Variants in CDK7 observed in about 807,000 individuals in gnomAD.
CDK7 encodes the protein cyclin-dependent kinase 7.
CDK7 carries 25 observed loss-of-function variants against 49.1 expected under a neutral mutation model. The observed-to-expected ratio is 0.51, with a 90% CI of 0.37 to 0.71. The LOEUF is 0.71. Ranked by LOEUF, CDK7 falls within the 30% of genes least tolerant of loss-of-function variation. The pLI, the probability that CDK7 is intolerant of heterozygous loss-of-function variation, is 0.00. For synonymous variants in CDK7, 107 were observed against 140.0 expected (o/e 0.76, Z 1.67); for missense variants, 316 against 411.7 (o/e 0.77, Z 2.01).
chr5:69,271,668 C>T (rs1034385864), intron 9 of CDK7, among the ~76,000 whole-genome samples: 1 of 151,946 alleles, frequency 6.6e-6, no homozygotes, highest in African/African-American at 2.4e-5. Flanking sequence ...TGCACCACCA[C>T]GCCCAGCTAG....
intron 6 of CDK7, among the ~76,000 whole-genome samples, chr5:69,258,738 A>AT (rs1041181822): frequency 4.6e-5 from 7 of 151,624 alleles, no homozygotes; most frequent in Admixed American, 1.3e-4. Flanking sequence ...CCATGGTTAT[A>AT]TTTTTTTTCA....
intron 4 of CDK7, among the ~76,000 whole-genome samples, chr5:69,254,925 G>A (rs148991186): frequency 3.0e-4 from 46 of 152,346 alleles, no homozygotes; most frequent in African/African-American, 1.1e-3. Flanking sequence ...CTAGCATGTA[G>A]TGGCTGAGAG....
intron 2 of CDK7, among the ~76,000 whole-genome samples, chr5:69,249,574 A>G (rs1750003402): frequency 6.6e-6 from 1 of 151,586 alleles, no homozygotes; most frequent in Non-Finnish European, 1.5e-5. Flanking sequence ...AAGTGTGGGT[A>G]TGGTGGCTGA....
intron 2 of CDK7, among the ~76,000 whole-genome samples, chr5:69,245,120 T>C (rs1749651044): frequency 1.3e-5 from 2 of 152,162 alleles, no homozygotes; most frequent in Non-Finnish European, 2.9e-5. Context: ...TACATCAGGA[T>C]ATTGGCCTGT....
At chr5:69,243,158 G>C (rs1203766781) in intron 2 of CDK7, among the ~76,000 whole-genome samples, 1 of 152,232 alleles carries the variant, frequency 6.6e-6, no homozygotes, top group Non-Finnish European at 1.5e-5. Context: ...TTGTGAGCTG[G>C]TTATCCTGAG....
At chr5:69,234,798 A>G (rs115943770), upstream of CDK7, 2 of 626,598 alleles carry the variant, frequency 3.2e-6, no homozygotes, top group East Asian at 2.8e-5. Flanking sequence ...CGGGTGGGGA[A>G]CGCCAACCGC....
chr5:69,275,423 TTCTC>T (rs1752016687), intron 10 of CDK7, among the ~76,000 whole-genome samples: 1 of 152,188 alleles, frequency 6.6e-6, no homozygotes, highest in East Asian at 1.9e-4. Context: ...CTTTTTAAGT[TTCTC>T]TCTTTGCATT....
At chr5:69,241,307 GTTTTTTCTTTTTT>G (rs1749358689) in intron 2 of CDK7, among the ~76,000 whole-genome samples, 2 of 112,944 alleles carry the variant, frequency 1.8e-5, no homozygotes, top group Non-Finnish European at 1.7e-5. Flanking sequence ...CTCATTGTAG[GTTTTTTCTTTTTT>G]TTTTTTTTTT....
intron 2 of CDK7, among the ~76,000 whole-genome samples, chr5:69,239,856 G>T (rs1295486550): frequency 3.4e-5 from 5 of 148,276 alleles, no homozygotes; most frequent in African/African-American, 1.2e-4. Context: ...TTCCTTTGTT[G>T]TATGATATGA....
intron 8 of CDK7, among the ~76,000 whole-genome samples, chr5:69,265,317 C>CA (rs931476714): frequency 1.4e-5 from 2 of 140,320 alleles, no homozygotes; most frequent in Non-Finnish European, 3.1e-5. Context: ...AGAAAACTTT[C>CA]AAAAAAAAAT....
chr5:69,271,132 G>A (rs890092714), intron 9 of CDK7, among the ~76,000 whole-genome samples: 3 of 152,162 alleles, frequency 2.0e-5, no homozygotes, highest in African/African-American at 4.8e-5. Context: ...CCAGCATTTG[G>A]TGTTGTCACT....
chr5:69,252,273 T>C, intron 2 of CDK7, 145 bp from the exon 3 acceptor site: 1 of 612,866 alleles, frequency 1.6e-6, no homozygotes. Context: ...TGATTCCTAC[T>C]CTCTTTTTGC....
chr5:69,269,910 T>C (rs970596901), intron 9 of CDK7, among the ~76,000 whole-genome samples: 4 of 151,204 alleles, frequency 2.6e-5, no homozygotes, highest in Admixed American at 2.6e-4. Flanking sequence ...AGTAATTGCT[T>C]ACTGATGTTT....
chr5:69,262,205 G>T lies in CDK7; in HGVS notation c.528G>T (p.Arg176Ser). The T allele has an allele frequency of 2.5e-6, 4 of 1,613,422 alleles. No homozygotes were observed. Among genetic ancestry groups the T allele is most frequent in the Non-Finnish European group, 3.4e-6 (4 of 1,180,004 alleles). Residue 176 changes from arginine (R) to serine (S), a missense_variant and splice_region_variant, in exon 8 of 12, where the codon AGG (arginine) becomes AGT (serine). Transcript: ENST00000256443. ...NRAYTHQVVT[R>S]WYRAPELLFG... ...GATACTAATTCTTTTTGTTCTTTAG[G>T]TGGTATCGGGCCCCCGAGTTACTAT...
chr5:69,274,457 A>C (rs894220683), intron 10 of CDK7, among the ~76,000 whole-genome samples: 5 of 152,222 alleles, frequency 3.3e-5, no homozygotes, highest in African/African-American at 1.2e-4. Context: ...CAACATGACA[A>C]AACATCATCT....
intron 5 of CDK7, 66 bp from the exon 6 acceptor site, chr5:69,257,977 G>T (rs1019581664): frequency 2.5e-6 from 2 of 802,220 alleles, no homozygotes; most frequent in Non-Finnish European, 4.2e-6. Flanking sequence ...TCTGTAAATT[G>T]TTTTATGTGG....
intron 2 of CDK7, among the ~76,000 whole-genome samples, chr5:69,237,605 C>G (rs1291706434): frequency 3.9e-5 from 6 of 152,130 alleles, no homozygotes; most frequent in African/African-American, 1.2e-4. Flanking sequence ...TAATTCCATT[C>G]ACACTGTACC....
At chr5:69,245,338 C>G (rs7711657) in intron 2 of CDK7, among the ~76,000 whole-genome samples, 36,989 of 125,922 alleles carry the variant, frequency 0.29, 5,829 homozygotes, top group East Asian at 0.41. Flanking sequence ...CTTACCCTAC[C>G]CTCTTATTTT....
chr5:69,266,560 A>G (rs1371504219), intron 8 of CDK7, among the ~76,000 whole-genome samples: 2 of 152,338 alleles, frequency 1.3e-5, no homozygotes, highest in African/African-American at 2.4e-5. Flanking sequence ...TGCAGGGAAC[A>G]TAAGATTCAA....
Sources: allele counts gnomAD v4.1 joint callset (sites outside exome capture counted in the v4.1 genomes callset), GRCh38; gene constraint gnomAD v4.1.1; transcripts MANE v1.5; gene names NCBI Gene and HGNC (gene_info 2026-07-23, HGNC 2026-07-21).